Variants in PFKFB3 observed in about 807,000 individuals in gnomAD.
PFKFB3 encodes the protein 6-phosphofructo-2-kinase/fructose-2,6-biphosphatase 3.
A neutral mutation model predicts 68.0 loss-of-function variants in PFKFB3; 33 were observed. That is an observed-to-expected ratio of 0.49 (90% confidence interval 0.37 to 0.65). The LOEUF is 0.65. Among genes scored for constraint, PFKFB3 ranks in the 30% least tolerant of loss-of-function variants. PFKFB3 has a pLI of 0.00. For missense variants in PFKFB3, 586 were observed against 712.2 expected, an observed-to-expected ratio of 0.82 and a Z score of 2.02; for synonymous variants, 315 against 288.2, an observed-to-expected ratio of 1.09 and a Z score of -0.94.
intron 1 of PFKFB3, among the ~76,000 whole-genome samples, chr10:6,174,988 G>A (rs1442835022): frequency 6.6e-6 from 1 of 151,964 alleles, no homozygotes; most frequent in African/African-American, 2.4e-5. Flanking sequence ...GCTAATTTTT[G>A]TATTTTTATT....
chr10:6,163,660 C>A (rs184142233), intron 1 of PFKFB3, among the ~76,000 whole-genome samples: 1,648 of 152,090 alleles, frequency 0.011, 68 homozygotes, highest in East Asian at 0.099. Context: ...TCCCGGGCCC[C>A]GGGAGCAGCT....
In PFKFB3 at chr10:6,228,006, G is replaced by C. The variant is rs915063951; in HGVS notation, c.1515+1641G>C. Among the ~76,000 whole-genome samples the C allele has an allele frequency of 2.6e-5, 4 of 152,194 alleles. No homozygotes were observed. The highest frequency in any genetic ancestry group is 5.9e-5 in the Non-Finnish European group (4 of 68,034). On this transcript the variant is annotated intron_variant, in intron 14 of 14. Transcript: ENST00000379775. The surrounding 1 kb of genome is among the most constrained non-coding windows in gnomAD (Gnocchi z 4.5). ...AGACCTCCGTCGTGGAGGACGCAGT[G>C]GCAGGGGCTGCATCCTCCTGTCCGC...
At chr10:6,207,214 T>C (rs1843839339) in intron 1 of PFKFB3, among the ~76,000 whole-genome samples, 1 of 152,154 alleles carries the variant, frequency 6.6e-6, no homozygotes, top group Admixed American at 6.5e-5. Context: ...GGCTGGCGGA[T>C]CACTCGCGGT....
intron 14 of PFKFB3, among the ~76,000 whole-genome samples, chr10:6,252,196 T>C (rs1311657753): frequency 6.6e-6 from 1 of 152,184 alleles, no homozygotes; most frequent in East Asian, 1.9e-4. Context: ...GGGAGAGCCT[T>C]TTGGCTTTTG....
the PFKFB3 span, among the ~76,000 whole-genome samples, chr10:6,262,636 G>A: frequency 6.6e-6 from 1 of 152,112 alleles, no homozygotes; most frequent in Non-Finnish European, 1.5e-5. Context: ...TAGGAAAACA[G>A]AAATCACACT....
the PFKFB3 span, among the ~76,000 whole-genome samples, chr10:6,314,543 G>A: frequency 3.3e-5 from 5 of 152,098 alleles, no homozygotes; most frequent in Admixed American, 6.5e-5. Flanking sequence ...ACAGTATTAC[G>A]TTTAGCAGCT....
At chr10:6,175,802 G>A (rs79947738) in intron 1 of PFKFB3, among the ~76,000 whole-genome samples, 1,646 of 152,302 alleles carry the variant, frequency 0.011, 70 homozygotes, top group East Asian at 0.099. Context: ...TTAAAGCCAC[G>A]GTGAGATACT....
At chr10:6,218,279 A>G (rs569910485) in intron 6 of PFKFB3, among the ~76,000 whole-genome samples, 12 of 151,970 alleles carry the variant, frequency 7.9e-5, no homozygotes, top group Non-Finnish European at 1.3e-4. Context: ...CCAACCCACC[A>G]TGTTCAGAAA....
At chr10:6,157,351 C>T (rs947464063) in intron 1 of PFKFB3, among the ~76,000 whole-genome samples, 7 of 151,768 alleles carry the variant, frequency 4.6e-5, no homozygotes, top group Admixed American at 6.6e-5. Flanking sequence ...CTCAGCCTCC[C>T]GAGTAGCTGG....
the PFKFB3 span, among the ~76,000 whole-genome samples, chr10:6,269,059 A>G: frequency 6.6e-6 from 1 of 151,350 alleles, no homozygotes; most frequent in African/African-American, 2.4e-5. Flanking sequence ...AAAGATTTTT[A>G]AAAATTCATT....
the PFKFB3 span, among the ~76,000 whole-genome samples, chr10:6,314,233 A>G: frequency 6.6e-6 from 1 of 152,232 alleles, no homozygotes; most frequent in African/African-American, 2.4e-5. Flanking sequence ...TTGAATACCT[A>G]CTGTGGTCCA....
At chr10:6,221,905 G>A (rs1844990550) in intron 10 of PFKFB3, among the ~76,000 whole-genome samples, 160 bp downstream of exon 10, 1 of 152,190 alleles carries the variant, frequency 6.6e-6, no homozygotes, top group Admixed American at 6.5e-5. Context: ...CCTTCTAACA[G>A]CCTGGGGTGA....
chr10:6,228,330 T>A lies in PFKFB3; in HGVS notation c.1515+1965T>A. ...ATGAGAGCAGTTTTGTGATGTGAGG[T>A]CTTCCGTGGGGGAAGGAGGAGATGG... On this transcript the variant is annotated intron_variant, in intron 14 of 14. Transcript: ENST00000379775. The surrounding 1 kb of genome is among the most constrained non-coding windows in gnomAD (Gnocchi z 4.5). The A allele has an allele frequency of 1.7e-6, 2 of 1,181,516 alleles. No homozygotes were observed. The highest frequency in any genetic ancestry group is 2.5e-6 in the Non-Finnish European group (2 of 792,334). The allele number at this position is 1,181,516 out of a possible 1,614,324, so 73.2% of individuals were successfully genotyped here.
At chr10:6,222,549 C>T (rs556137894) in intron 10 of PFKFB3, among the ~76,000 whole-genome samples, 2 of 152,346 alleles carry the variant, frequency 1.3e-5, no homozygotes, top group South Asian at 4.1e-4. Flanking sequence ...CTTCCTGCAT[C>T]TGGATCTGCC....
At chr10:6,200,659 C>CGGGGGGGGGGGGGGGGG (rs57019530), upstream of PFKFB3, among the ~76,000 whole-genome samples, 4 of 68,884 alleles carry the variant, frequency 5.8e-5, no homozygotes, top group Admixed American at 1.3e-4. Context: ...ATGTAAGGAG[C>CGGGGGGGGGGGGGGGGG]GGGGGGGGGG....
At chr10:6,178,188 C>T (rs906411815) in intron 1 of PFKFB3, among the ~76,000 whole-genome samples, 1 of 152,268 alleles carries the variant, frequency 6.6e-6, no homozygotes, top group Admixed American at 6.5e-5. Flanking sequence ...GCTTTATCTG[C>T]CCAGCGTCTC....
At chr10:6,167,310 C>T (rs1162063857) in intron 1 of PFKFB3, among the ~76,000 whole-genome samples, 2 of 152,182 alleles carry the variant, frequency 1.3e-5, no homozygotes, top group Non-Finnish European at 2.9e-5. Flanking sequence ...AACGCCTGTG[C>T]GGGTCTCATT....
intron 1 of PFKFB3, among the ~76,000 whole-genome samples, chr10:6,208,371 C>CCTTTTTTTTTTTTTTT (rs1843931585): frequency 1.6e-5 from 1 of 60,624 alleles, no homozygotes; most frequent in Non-Finnish European, 2.9e-5. Context: ...GGTACCTGGC[C>CCTTTTTTTTTTTTTTT]TTTTTTTTTT....
chr10:6,231,485 T>C (rs1010944054), intron 14 of PFKFB3: 2 of 985,218 alleles, frequency 2.0e-6, no homozygotes, highest in Non-Finnish European at 2.4e-6. Flanking sequence ...CCCCCACGTG[T>C]CCTGAGCTGG....
Sources: gnomAD v4.1 joint callset for allele counts (sites outside exome capture counted in the v4.1 genomes callset) on GRCh38, gnomAD v4.1.1 for gene constraint, Gnocchi (gnomAD v3.1) non-coding constraint, MANE v1.5 for transcripts, NCBI Gene and HGNC (gene_info 2026-07-23, HGNC 2026-07-21) for gene names.